IDO2: variants seen among roughly 807,000 people sequenced by gnomAD.
IDO2 encodes the protein indoleamine 2,3-dioxygenase 2.
IDO2 carries 46 observed loss-of-function variants against 45.1 expected under a neutral mutation model. The ratio of observed to expected loss-of-function variants is 1.02; its 90% CI spans 0.80 to 1.30. The LOEUF (loss-of-function observed/expected upper bound fraction) is 1.30. Ranked by LOEUF, IDO2 falls within the 50% of genes most tolerant of loss-of-function variation. IDO2 has a pLI of 0.00. For missense variants in IDO2, 544 were observed against 491.8 expected (o/e 1.11, Z -1.00); for synonymous variants, 218 against 184.9 (o/e 1.18, Z -1.45).
intron 3 of IDO2, among the ~76,000 whole-genome samples, chr8:39,974,178 A>G (rs1315146281): frequency 6.6e-6 from 1 of 152,210 alleles, no homozygotes; most frequent in Non-Finnish European, 1.5e-5. Context: ...TTCTGACCAG[A>G]TGGCATCAGG....
intron 3 of IDO2, among the ~76,000 whole-genome samples, chr8:39,968,698 C>T (rs1174055120): frequency 2.7e-5 from 4 of 146,594 alleles, no homozygotes; most frequent in Admixed American, 1.4e-4. Context: ...CATCACACAC[C>T]GGGGCCTGTT....
chr8:39,997,882 T>C (rs1802073178), intron 8 of IDO2: 2 of 197,090 alleles, frequency 1.0e-5, no homozygotes, highest in South Asian at 1.0e-4. Flanking sequence ...CAGAATTTGT[T>C]GAACACCAGA....
At chr8:39,964,276 A>G (rs529156815) in intron 3 of IDO2, among the ~76,000 whole-genome samples, 1 of 152,384 alleles carries the variant, frequency 6.6e-6, no homozygotes, top group South Asian at 2.1e-4. Context: ...ACACTTTTGT[A>G]CCAACCTAAT....
At chr8:39,984,906 G>A (rs1175628968) in intron 5 of IDO2, 1 of 436,308 alleles carries the variant, frequency 2.3e-6, no homozygotes, top group Non-Finnish European at 4.5e-6. Flanking sequence ...ATACAAAAAT[G>A]TAAGATGAGT....
At chr8:39,999,221 C>A (rs1802099118) in intron 8 of IDO2, among the ~76,000 whole-genome samples, 1 of 149,880 alleles carries the variant, frequency 6.7e-6, no homozygotes. Context: ...TTCTCTGTAT[C>A]TGTCTACTTT....
chr8:40,015,360 C>A, exon 11 of IDO2: 1 of 1,613,790 alleles, frequency 6.2e-7, no homozygotes, highest in Non-Finnish European at 8.5e-7. Context: ...TGGACAGGAC[C>A]ACTTGCTGAC....
rs75677450 is a variant in IDO2, at chr8:39,961,847, C to T, written c.100-1761C>T. 3.3e-3 allele frequency among the ~76,000 whole-genome samples: 503 copies of T among 152,268 alleles called. 11 individuals carry two copies. In the East Asian group the frequency reaches 0.047, roughly 14 times the overall value. The stretch of plus-strand genomic sequence containing the variant: ...CTAATTCATAAACATGGAAATCATC[C>T]TCAATTCCTCTTCTTCTTAGCCCAA... On this transcript the variant is annotated intron_variant, in intron 2 of 10. Transcript: ENST00000502986.
At chr8:39,965,478 C>T (rs1379381607) in intron 3 of IDO2, among the ~76,000 whole-genome samples, 1 of 151,840 alleles carries the variant, frequency 6.6e-6, no homozygotes, top group Non-Finnish European at 1.5e-5. Context: ...CAGAGTGAGA[C>T]TCTGTCTCAA....
intron 1 of IDO2, among the ~76,000 whole-genome samples, chr8:39,943,515 A>G (rs1807680289): frequency 6.6e-6 from 1 of 152,112 alleles, no homozygotes; most frequent in Non-Finnish European, 1.5e-5. Context: ...AGGCGGGCAG[A>G]TCGCGAGGTC....
chr8:39,939,573 GGAAA>G (rs1350834900), intron 1 of IDO2, among the ~76,000 whole-genome samples: 10 of 106,822 alleles, frequency 9.4e-5, no homozygotes, highest in Non-Finnish European at 1.2e-4. Context: ...AAAAAAAAAA[GGAAA>G]GAAAGAAAGA....
chr8:39,961,248 C>T (rs1407619255), intron 2 of IDO2, among the ~76,000 whole-genome samples: 1 of 150,828 alleles, frequency 6.6e-6, no homozygotes, highest in African/African-American at 2.4e-5. Flanking sequence ...CCTCACATGG[C>T]TTTATACACT....
chr8:39,994,107 C>T (rs1337314325), intron 8 of IDO2, among the ~76,000 whole-genome samples: 1 of 152,002 alleles, frequency 6.6e-6, no homozygotes, highest in Non-Finnish European at 1.5e-5. Context: ...TAAAAATATA[C>T]ATATTTAGCA....
chr8:39,954,748 C>G (rs1016138247), intron 2 of IDO2, among the ~76,000 whole-genome samples: 1 of 150,292 alleles, frequency 6.7e-6, no homozygotes, highest in Admixed American at 6.7e-5. Context: ...CTTTGCCTCC[C>G]GGGTTCAAGC....
intron 9 of IDO2, among the ~76,000 whole-genome samples, chr8:40,008,420 T>G (rs2129595454): frequency 6.6e-6 from 1 of 152,240 alleles, no homozygotes; most frequent in East Asian, 1.9e-4. Flanking sequence ...CAGAGAAAAC[T>G]CTCTGATTTT....
intron 2 of IDO2, among the ~76,000 whole-genome samples, chr8:39,951,333 T>C (rs1036373505): frequency 2.7e-5 from 4 of 146,154 alleles, no homozygotes; most frequent in Admixed American, 2.1e-4. Flanking sequence ...TGGAGTGCAG[T>C]GGCACTGTGA....
chr8:40,006,796 G>A (rs879620149), intron 9 of IDO2, among the ~76,000 whole-genome samples: 5 of 152,128 alleles, frequency 3.3e-5, no homozygotes, highest in East Asian at 1.9e-4. Context: ...GAGTAGCTGC[G>A]ATTACAGGTG....
chr8:40,008,329 A>G (rs962814387), intron 9 of IDO2, among the ~76,000 whole-genome samples: 3 of 152,126 alleles, frequency 2.0e-5, no homozygotes, highest in Admixed American at 2.0e-4. Flanking sequence ...TACAGGCATG[A>G]GCCATCATGC....
chr8:39,968,479 G>A (rs1212660655), intron 3 of IDO2, among the ~76,000 whole-genome samples: 1 of 152,160 alleles, frequency 6.6e-6, no homozygotes, highest in Non-Finnish European at 1.5e-5. Flanking sequence ...CCATGGAATT[G>A]TATGTCACAA....
rs2129594874 is a variant in IDO2 at position 39,992,739 on chromosome 8, A to G, written c.667+2901A>G. Reference sequence around the variant, plus strand: ...TTTTTCCCTCTGCTTCCATTCCCCAAAATGGAGCGTACCAAACAATTGCTT... The same window carrying G: ...TTTTTCCCTCTGCTTCCATTCCCCAGAATGGAGCGTACCAAACAATTGCTT... On this transcript the variant is annotated intron_variant, in intron 8 of 10. Coordinates refer to ENST00000502986, the Ensembl canonical transcript of IDO2. Among the ~76,000 whole-genome samples the G allele has an allele frequency of 2.0e-5, 3 of 152,288 alleles. No individual in the cohort carries two copies. The Middle Eastern group carries it at 0.01, about 518-fold the overall frequency.
Sources: gnomAD v4.1 joint callset for allele counts (sites outside exome capture counted in the v4.1 genomes callset) on GRCh38, gnomAD v4.1.1 for gene constraint, MANE v1.5 for transcripts, NCBI Gene and HGNC (gene_info 2026-07-23, HGNC 2026-07-21) for gene names.